The following YTHDC1 variants were observed in gnomAD, a reference collection of about 807,000 sequenced individuals.
The protein encoded by YTHDC1 is YTH domain-containing protein 1.
A neutral mutation model predicts 107.0 loss-of-function variants in YTHDC1; 12 were observed. That is an observed-to-expected ratio of 0.11 (90% confidence interval 0.07 to 0.18). YTHDC1 has a LOEUF of 0.18. YTHDC1 is among the 10% of genes least tolerant of loss of function. The pLI is 1.00. For missense variants in YTHDC1, 635 were observed against 898.8 expected, an observed-to-expected ratio of 0.71 and a Z score of 3.75; for synonymous variants, 280 against 289.5, an observed-to-expected ratio of 0.97 and a Z score of 0.33.
intron 1 of YTHDC1, among the ~76,000 whole-genome samples, chr4:68,339,732 A>G (rs936833248): frequency 2.0e-5 from 3 of 152,194 alleles, no homozygotes; most frequent in Non-Finnish European, 2.9e-5. Context: ...AAATTATGTC[A>G]AACTGCAAGT....
chr4:68,336,440 G>A (rs935005685), intron 4 of YTHDC1, among the ~76,000 whole-genome samples: 4 of 152,068 alleles, frequency 2.6e-5, no homozygotes, highest in Non-Finnish European at 4.4e-5. Context: ...ACTGAAGATG[G>A]TTCTTACCTG....
chr4:68,342,590 C>T (rs1047303251), intron 1 of YTHDC1, among the ~76,000 whole-genome samples: 15 of 152,186 alleles, frequency 9.9e-5, no homozygotes, highest in African/African-American at 2.4e-4. Flanking sequence ...TAATTATATA[C>T]TTGAGGTGCA....
Position 68,332,813 on chromosome 4 carries a change from G to A in YTHDC1, c.1008C>T (p.Ser336=), listed in dbSNP as rs777468158. 2.0e-5 allele frequency: 32 copies of A among 1,612,894 alleles called. No homozygotes were observed. The highest frequency in any genetic ancestry group is 1.1e-4 in the African/African-American group (8 of 74,832). The part of the protein sequence containing the change: ...SEKKHEKLSS[S]VRAVRKDQTS... ...TGATACCTTTTCGGACAGCACGAAC[G>A]GAAGATGATAATTTCTCATGCTTCT... The change falls in exon 6 of 17, where the codon TCC becomes TCT. Residue 336 remains serine, a synonymous_variant. Transcript: ENST00000344157.
chr4:68,331,598 T>C (rs1723589807), intron 7 of YTHDC1, among the ~76,000 whole-genome samples: 1 of 152,138 alleles, frequency 6.6e-6, no homozygotes, highest in East Asian at 1.9e-4. Flanking sequence ...ACAGCAACTA[T>C]GCATATCTTT....
chr4:68,322,807 A>G lies in YTHDC1; in HGVS notation c.1543T>C (p.Ser515Pro). The G allele has an allele frequency of 6.2e-7, 1 of 1,614,194 alleles. No homozygotes were observed. Among genetic ancestry groups the G allele is most frequent in the Non-Finnish European group, 8.5e-7 (1 of 1,180,022 alleles). Reference sequence around the variant, plus strand: ...GGACGTCCTCGTGATCGGGGCTGAGAATGCATTCTTCTCTTGTGACGCATT... The same window carrying G: ...GGACGTCCTCGTGATCGGGGCTGAGGATGCATTCTTCTCTTGTGACGCATT... ...HKMRHKRRMH[S>P]QPRSRGRPSR... Residue 515 changes from serine (S) to proline (P), a missense_variant, in exon 11 of 17, where the codon TCT becomes CCT. This residue lies in a region of YTHDC1 where 256 missense variants were observed against 372.9 expected (regional missense o/e 0.69). Transcript: ENST00000344157. The surrounding 1 kb of genome is among the most constrained non-coding windows in gnomAD (Gnocchi z 4.8).
At position 68,319,786 on chromosome 4, in the gene YTHDC1, A is replaced by G. The variant is rs192154128; in HGVS notation, c.1684+337T>C. Among the ~76,000 whole-genome samples the G allele has an allele frequency of 1.2e-4, 19 of 152,312 alleles. No individual in the cohort carries two copies. In the East Asian group the frequency reaches 3.1e-3, roughly 25 times the overall value. On this transcript the variant is annotated intron_variant, in intron 12 of 16. Transcript: ENST00000344157. ...TATCACATGAAACACTAACTACCAT[A>G]GGGAACAAAAAGCCTGATAGAATAT...
rs566450272 is a variant in YTHDC1, at chr4:68,310,714, A to C, written c.*3385T>G. 9 of 152,320 alleles carry C rather than the reference A, an allele frequency of 5.9e-5. No homozygotes were observed. Among genetic ancestry groups the C allele is most frequent in the African/African-American group, 2.2e-4 (9 of 41,576 alleles). The allele number at this position is 152,320 out of a possible 1,614,324, so 9.4% of individuals were successfully genotyped here. On this transcript the variant is annotated 3_prime_UTR_variant, in exon 17 of 17. Transcript: ENST00000344157. Reference sequence around the variant, plus strand: ...ATAACAAAATCTTAAACATGAAGCTAAAATTATCCATGTGTGTCACAGTCA... The same window carrying C: ...ATAACAAAATCTTAAACATGAAGCTCAAATTATCCATGTGTGTCACAGTCA...
At chr4:68,344,698 T>A (rs1295766388) in intron 1 of YTHDC1, among the ~76,000 whole-genome samples, 5 of 152,132 alleles carry the variant, frequency 3.3e-5, no homozygotes, top group African/African-American at 1.2e-4. Context: ...AGTTTTGAGG[T>A]AAAGGTACAG....
chr4:68,349,873 C>A lies in YTHDC1; in HGVS notation c.-120G>T. The A allele has an allele frequency of 7.0e-7, 1 of 1,421,168 alleles. No homozygotes were observed. The highest frequency in any genetic ancestry group is 9.8e-7 in the Non-Finnish European group (1 of 1,021,296). 88.0% of individuals were successfully genotyped at this position (1,421,168 alleles called of 1,614,324 possible). The stretch of plus-strand genomic sequence containing the variant: ...GTCAGTCCGTCTGCCCGGATACGCG[C>A]GTCGCACTTGGCCTCTTAACACTCA... On this transcript the variant is annotated 5_prime_UTR_variant, in exon 1 of 17. Coordinates refer to ENST00000344157, the MANE Select transcript of YTHDC1 (RefSeq NM_001031732.4).
intron 1 of YTHDC1, among the ~76,000 whole-genome samples, chr4:68,339,259 G>T (rs1184195816): frequency 1.3e-5 from 2 of 152,100 alleles, no homozygotes; most frequent in Admixed American, 6.5e-5. Context: ...ATGCAAAATG[G>T]AAAAGCTGAA....
intron 9 of YTHDC1, 45 bp from the exon 10 acceptor site, chr4:68,324,268 T>TA (rs760341408): frequency 6.5e-7 from 1 of 1,533,308 alleles, no homozygotes. Context: ...CAGAATCCTT[T>TA]AAGGACCTTA....
intron 1 of YTHDC1, among the ~76,000 whole-genome samples, chr4:68,346,370 G>C (rs1316361959): frequency 6.6e-6 from 1 of 152,086 alleles, no homozygotes; most frequent in Non-Finnish European, 1.5e-5. Flanking sequence ...TCCAGCCTAG[G>C]CGACAGAAGC....
intron 13 of YTHDC1, 25 bp from the exon 14 acceptor site, chr4:68,318,754 C>T: frequency 6.2e-7 from 1 of 1,614,064 alleles, no homozygotes; most frequent in East Asian, 2.2e-5. Context: ...ATTTGTGAAA[C>T]TAAATTCAGG....
At chr4:68,333,025 T>A (rs1560490890) in intron 5 of YTHDC1, among the ~76,000 whole-genome samples, 178 bp from the exon 6 acceptor site, 1 of 152,094 alleles carries the variant, frequency 6.6e-6, no homozygotes, top group Non-Finnish European at 1.5e-5. Flanking sequence ...GTTGTTTGGA[T>A]TTTTTTAAAA....
At position 68,318,773 on chromosome 4, in the gene YTHDC1, A is replaced by G. The variant is rs377292342; in HGVS notation, c.1722-44T>C. 3.1e-5 allele frequency: 50 copies of G among 1,614,020 alleles called. 1 individual carries two copies. The Middle Eastern group carries it at 4.9e-4, about 16-fold the overall frequency. On this transcript the variant is annotated intron_variant, in intron 13 of 16. Coordinates refer to ENST00000344157, the MANE Select transcript of YTHDC1 (RefSeq NM_001031732.4). ...GTGAAACTAAATTCAGGTAATTCAT[A>G]AACTAGTTCCAAGAATGTAATTCAA...
intron 1 of YTHDC1, among the ~76,000 whole-genome samples, chr4:68,346,489 T>C (rs1357889115): frequency 6.6e-6 from 1 of 152,200 alleles, no homozygotes; most frequent in Non-Finnish European, 1.5e-5. Context: ...TGTCCAAAGA[T>C]ATAAAAATGG....
intron 12 of YTHDC1, 103 bp downstream of exon 12, chr4:68,320,020 T>G: frequency 4.0e-6 from 4 of 994,418 alleles, no homozygotes; most frequent in Middle Eastern, 3.2e-4. Context: ...GTCCTGAATT[T>G]TTTTCACTTT....
rs1330689184 is a variant in YTHDC1 at position 68,314,047 on chromosome 4, A to C, written c.*52T>G. 7 of 1,578,144 alleles carry C rather than the reference A, an allele frequency of 4.4e-6. No homozygotes were observed. The highest frequency in any genetic ancestry group is 6.0e-6 in the Non-Finnish European group (7 of 1,158,996). ...TACTACTTGTAAACACACACAAAAA[A>C]AAAATACAAGATTTTTTGTATCTTT... On this transcript the variant is annotated 3_prime_UTR_variant, in exon 17 of 17. Transcript: ENST00000344157.
Position 68,337,631 on chromosome 4 carries a change from A to G in YTHDC1, c.400T>C (p.Cys134Arg). 6.2e-7 allele frequency: 1 copy of G among 1,613,276 alleles called. No individual in the cohort carries two copies. The highest frequency in any genetic ancestry group is 8.5e-7 in the Non-Finnish European group (1 of 1,179,868). Residue 134 changes from cysteine to arginine, a missense_variant, in exon 3 of 17, where the codon TGT (cysteine) becomes CGT (arginine). Cys to Arg is a radical substitution (Grantham distance 180). Transcript: ENST00000344157. Reference protein sequence around the residue: ...EPYKNQPEKTCVRKRDPERRA... With the variant: ...EPYKNQPEKTRVRKRDPERRA... The stretch of plus-strand genomic sequence containing the variant: ...CTTTCAGGATCCCTTTTCCGGACAC[A>G]GGTTTTTTCAGGTTGATTCTTATAA...
Sources: gnomAD v4.1 joint callset for allele counts (sites outside exome capture counted in the v4.1 genomes callset) on GRCh38, gnomAD v4.1.1 for gene constraint, gnomAD v4.1.1 regional missense constraint, Gnocchi (gnomAD v3.1) non-coding constraint, MANE v1.5 for transcripts, NCBI Gene and HGNC (gene_info 2026-07-23, HGNC 2026-07-21) for gene names.